Variants in PET117 observed in about 807,000 individuals in gnomAD.
PET117 encodes protein PET117 homolog, mitochondrial.
PET117 carries 10 observed loss-of-function variants against 9.2 expected under a neutral mutation model. The observed-to-expected ratio is 1.09, with a 90% confidence interval of 0.67 to 1.85. PET117 has a LOEUF of 1.85. Among genes scored for constraint, PET117 ranks in the 40% most tolerant of loss-of-function variants. The pLI, the probability that PET117 is intolerant of heterozygous loss-of-function variation, is 0.00. For synonymous variants in PET117, 43 were observed against 37.1 expected (o/e 1.16, Z -0.57); for missense variants, 96 against 98.2 (o/e 0.98, Z 0.09).
At position 18,142,948 on chromosome 20, in the gene PET117, G is replaced by C; in HGVS notation, c.*591G>C. ...AGGAGCTTCTCAATTCCTTTGATTT[G>C]TCAATTCCTGTGTGAAGGTTTGTTT... On this transcript the variant is annotated 3_prime_UTR_variant, in exon 2 of 2. Transcript: ENST00000432901. 2 of 1,604,556 alleles carry C rather than the reference G, an allele frequency of 1.2e-6. No individual in the cohort carries two copies. The highest frequency in any genetic ancestry group is 1.7e-4 in the Middle Eastern group (1 of 6,034).
chr20:18,141,049 T>TTTTTTTG (rs2037549896), intron 1 of PET117, among the ~76,000 whole-genome samples: 1 of 120,956 alleles, frequency 8.3e-6, no homozygotes, highest in Non-Finnish European at 1.7e-5. Flanking sequence ...TTTTTTTTAT[T>TTTTTTTG]TTTATTTTTG....
intron 1 of PET117, among the ~76,000 whole-genome samples, chr20:18,140,964 C>A (rs1400153985): frequency 6.7e-6 from 1 of 148,340 alleles, no homozygotes; most frequent in African/African-American, 2.5e-5. Context: ...CTGAGGTGAT[C>A]CTATCACCTC....
At chr20:18,142,041 C>T (rs1321863200) in intron 1 of PET117, among the ~76,000 whole-genome samples, 167 bp from the exon 2 acceptor site, 3 of 151,764 alleles carry the variant, frequency 2.0e-5, no homozygotes, top group Non-Finnish European at 2.9e-5. Context: ...TTTATTTGAT[C>T]GTTTATTACA....
intron 1 of PET117, among the ~76,000 whole-genome samples, chr20:18,141,128 C>T: frequency 6.8e-6 from 1 of 148,042 alleles, no homozygotes. Context: ...GTCTGCCTGC[C>T]TTGGCCTAAG....
At chr20:18,139,224 TA>T (rs1161547273) in intron 1 of PET117, among the ~76,000 whole-genome samples, 2 of 152,208 alleles carry the variant, frequency 1.3e-5, no homozygotes, top group African/African-American at 2.4e-5. Flanking sequence ...GATTTGGGAT[TA>T]AAATGTGCTC....
intron 1 of PET117, among the ~76,000 whole-genome samples, chr20:18,140,293 G>T (rs764087465): frequency 1.3e-5 from 2 of 152,060 alleles, no homozygotes; most frequent in Non-Finnish European, 2.9e-5. Context: ...TCTTGCCAAG[G>T]GTGCATGGTT....
At chr20:18,141,217 C>T (rs548855906) in intron 1 of PET117, among the ~76,000 whole-genome samples, 2 of 151,794 alleles carry the variant, frequency 1.3e-5, no homozygotes, top group East Asian at 3.9e-4. Flanking sequence ...GAGCAATAAA[C>T]TATAAAATGT....
In PET117 at chr20:18,142,735, A is replaced by C. The variant is rs1221024567; in HGVS notation, c.*378A>C. The C allele has an allele frequency of 6.2e-7, 1 of 1,614,104 alleles. No individual in the cohort carries two copies. The highest frequency in any genetic ancestry group is 1.1e-5 in the South Asian group (1 of 91,084). Reference sequence around the variant, plus strand: ...AAGCCACGAGAACATCGACCTCAGAAGGACTGGAGGAAGGTGAAGTGGAGG... The same window carrying C: ...AAGCCACGAGAACATCGACCTCAGACGGACTGGAGGAAGGTGAAGTGGAGG... On this transcript the variant is annotated 3_prime_UTR_variant, in exon 2 of 2. Transcript: ENST00000432901.
At position 18,137,880 on chromosome 20, in the gene PET117, G is replaced by C. The variant is rs976383074; in HGVS notation, c.-76G>C. 1.7e-5 allele frequency: 23 copies of C among 1,387,964 alleles called. No homozygotes were observed. The highest frequency in any genetic ancestry group is 2.1e-5 in the Non-Finnish European group (22 of 1,066,096). The allele number at this position is 1,387,964 out of a possible 1,614,324, so 86.0% of individuals were successfully genotyped here. A position where few individuals can be genotyped will look rare whatever the true frequency, so the allele number is the denominator to read the frequency against. On this transcript the variant is annotated 5_prime_UTR_variant, in exon 1 of 2. Coordinates refer to ENST00000432901, the MANE Select transcript of PET117 (RefSeq NM_001164811.2). ...GAGGGGTCGAGCCTGGGCAGTACAG[G>C]CGGCGGTGCGCACTCTGCGGCGGCC...
intron 1 of PET117, among the ~76,000 whole-genome samples, chr20:18,140,582 G>A (rs2037495748): frequency 6.6e-6 from 1 of 151,892 alleles, no homozygotes; most frequent in African/African-American, 2.4e-5. Flanking sequence ...GGCTGAGGCA[G>A]GCAGATCATT....
chr20:18,138,522 A>T (rs2037390962), intron 1 of PET117: 15 of 919,586 alleles, frequency 1.6e-5, no homozygotes, highest in Non-Finnish European at 1.9e-5. Flanking sequence ...TTAAAGCCTA[A>T]TGTGTTTTAC....
intron 1 of PET117, chr20:18,138,286 C>T (rs1032154117): frequency 8.3e-6 from 10 of 1,207,704 alleles, no homozygotes; most frequent in Admixed American, 4.5e-5. Context: ...CCCGGCTGCC[C>T]GGCTTAGCGC....
Position 18,142,816 on chromosome 20 carries a change from C to T in PET117, c.*459C>T, listed in dbSNP as rs777037743. The T allele has an allele frequency of 1.1e-5, 17 of 1,614,154 alleles. No individual in the cohort carries two copies. Among genetic ancestry groups the T allele is most frequent in the South Asian group, 9.9e-5 (9 of 91,084 alleles). ...ATCAGGCATCAGTGGACTTATCGCA[C>T]GACCAGAGTGGGGATTCCCTCAACA... On this transcript the variant is annotated 3_prime_UTR_variant, in exon 2 of 2. Coordinates refer to ENST00000432901, the MANE Select transcript of PET117 (RefSeq NM_001164811.2).
Position 18,137,900 on chromosome 20 carries a change from G to C in PET117, c.-56G>C. 6.9e-7 allele frequency: 1 copy of C among 1,441,580 alleles called. No individual in the cohort carries two copies. Among genetic ancestry groups the C allele is most frequent in the Non-Finnish European group, 9.1e-7 (1 of 1,102,216 alleles). 89.3% of individuals were successfully genotyped at this position (1,441,580 alleles called of 1,614,324 possible). A position where few individuals can be genotyped will look rare whatever the true frequency, so the allele number is the denominator to read the frequency against. ...TACAGGCGGCGGTGCGCACTCTGCG[G>C]CGGCCTCTGCGCCTCGGGCGGGCGG... On this transcript the variant is annotated 5_prime_UTR_variant, in exon 1 of 2. Coordinates refer to ENST00000432901, the MANE Select transcript of PET117 (RefSeq NM_001164811.2).
Position 18,142,282 on chromosome 20 carries a change from A to C in PET117, c.171A>C (p.Glu57Asp), listed in dbSNP as rs1044071452. ...RKKENIRLLGEQIILTEQLEA... is the reference protein window; with the variant it reads ...RKKENIRLLGDQIILTEQLEA... ...AAGAAAACATTCGTCTTTTGGGAGA[A>C]CAGATTATTTTGACTGAGCAACTTG... Residue 57 changes from glutamate (E) to aspartate (D), a missense_variant, in exon 2 of 2, where the codon GAA becomes GAC. Coordinates refer to ENST00000432901, the MANE Select transcript of PET117 (RefSeq NM_001164811.2). 36 of 1,537,216 alleles carry C rather than the reference A, an allele frequency of 2.3e-5. No homozygotes were observed. Among genetic ancestry groups the C allele is most frequent in the Non-Finnish European group, 3.0e-5 (34 of 1,146,900 alleles).
intron 1 of PET117, chr20:18,138,359 T>C: frequency 9.3e-7 from 1 of 1,077,368 alleles, no homozygotes; most frequent in Non-Finnish European, 1.1e-6. Flanking sequence ...GCTTTTGGGG[T>C]GCCCAGTGGC....
chr20:18,138,112 C>G lies in PET117; in HGVS notation c.96+61C>G, dbSNP rs561226345. On this transcript the variant is annotated intron_variant, in intron 1 of 1. Coordinates refer to ENST00000432901, the MANE Select transcript of PET117 (RefSeq NM_001164811.2). ...CGCGCGGCGTCGACCTGGGGCCTCT[C>G]GTGGTCTCTGCCCGCTCGGTTCCTC... The G allele has an allele frequency of 3.5e-6, 5 of 1,419,206 alleles. No homozygotes were observed. In the African/African-American group the frequency reaches 6.0e-5, roughly 17 times the overall value. 87.9% of individuals were successfully genotyped at this position (1,419,206 alleles called of 1,614,324 possible).
intron 1 of PET117, among the ~76,000 whole-genome samples, chr20:18,138,958 T>C (rs1403499747): frequency 6.6e-6 from 1 of 152,152 alleles, no homozygotes; most frequent in Non-Finnish European, 1.5e-5. Flanking sequence ...TTGGCAGTGA[T>C]TGGGGTTGAA....
rs2037639712 is a variant in PET117 at position 18,142,850 on chromosome 20, G to A, written c.*493G>A. 4 of 1,614,180 alleles carry A rather than the reference G, an allele frequency of 2.5e-6. No homozygotes were observed. Among genetic ancestry groups the A allele is most frequent in the Non-Finnish European group, 2.5e-6 (3 of 1,180,034 alleles). On this transcript the variant is annotated 3_prime_UTR_variant, in exon 2 of 2. Transcript: ENST00000432901. ...TGGGGATTCCCTCAACAGTGATGAAGGAGACGTGTCTTGGATGGAGGAGCA... is the reference window on the plus strand; with the variant it reads ...TGGGGATTCCCTCAACAGTGATGAAAGAGACGTGTCTTGGATGGAGGAGCA...
Sources: allele counts gnomAD v4.1 joint callset (sites outside exome capture counted in the v4.1 genomes callset), GRCh38; gene constraint gnomAD v4.1.1; transcripts MANE v1.5; gene names NCBI Gene and HGNC (gene_info 2026-07-23, HGNC 2026-07-21).